HS3ST4: variants seen among roughly 807,000 people sequenced by gnomAD.
HS3ST4 encodes heparan sulfate glucosamine 3-O-sulfotransferase 4.
HS3ST4 carries 17 observed loss-of-function variants against 29.2 expected under a neutral mutation model. That is an observed-to-expected ratio of 0.58 (90% CI 0.40 to 0.87). The LOEUF (loss-of-function observed/expected upper bound fraction) is 0.87, where lower values mean the gene tolerates loss of function less well. HS3ST4 is among the 40% of genes least tolerant of loss of function. The probability of loss-of-function intolerance (pLI) is 0.00; values close to 1 mark genes in which losing one functional copy is unlikely to be tolerated. For missense variants in HS3ST4, 627 were observed against 634.5 expected (o/e 0.99, Z 0.13); for synonymous variants, 314 against 285.7 (o/e 1.10, Z -1.00).
intron 1 of HS3ST4, among the ~76,000 whole-genome samples, chr16:26,048,859 C>T (rs1037488077): frequency 6.6e-6 from 1 of 152,082 alleles, no homozygotes; most frequent in African/African-American, 2.4e-5. Flanking sequence ...CATTGAATCT[C>T]GCAGCAAGAA....
intron 1 of HS3ST4, among the ~76,000 whole-genome samples, chr16:26,080,927 G>A (rs796340874): frequency 1.2e-4 from 19 of 152,278 alleles, no homozygotes; most frequent in African/African-American, 3.6e-4. Flanking sequence ...GTGCGTCCAC[G>A]GACCAGCAGC....
In HS3ST4 at chr16:26,119,087, G is replaced by A. The variant is rs542832058; in HGVS notation, c.735-16525G>A. ...TTCATTTTTGATTTAAAAAACTAAAGCACAGGGAGGTTAAGTAATGTCCCA... is the reference window on the plus strand; with the variant it reads ...TTCATTTTTGATTTAAAAAACTAAAACACAGGGAGGTTAAGTAATGTCCCA... On this transcript the variant is annotated intron_variant, in intron 1 of 1. Coordinates refer to ENST00000331351, the MANE Select transcript of HS3ST4 (RefSeq NM_006040.3). Among the ~76,000 whole-genome samples the A allele has an allele frequency of 1.7e-3, 266 of 152,316 alleles. 1 individual carries two copies. Among genetic ancestry groups the A allele is most frequent in the African/African-American group, 6.1e-3 (255 of 41,568 alleles).
chr16:25,796,439 CT>C (rs1238518648), intron 1 of HS3ST4, among the ~76,000 whole-genome samples: 3 of 152,132 alleles, frequency 2.0e-5, no homozygotes, highest in African/African-American at 7.2e-5. Context: ...GTGACTCAAC[CT>C]TAGAAGAAAC....
rs538086174 is a variant in HS3ST4 at position 26,107,295 on chromosome 16, ATG to A, written c.735-28303_735-28302del. On this transcript the variant is annotated intron_variant, in intron 1 of 1. Coordinates refer to ENST00000331351, the MANE Select transcript of HS3ST4 (RefSeq NM_006040.3). ...TATGTAGTTTTATGTATGTTTATATATGTGTGTGTGTGTGTATATATATATAA... is the reference window on the plus strand; with the variant it reads ...TATGTAGTTTTATGTATGTTTATATATGTGTGTGTGTGTATATATATATAA... Among the ~76,000 whole-genome samples, 970 of 150,660 alleles carry A rather than the reference ATG, an allele frequency of 6.4e-3. 1 individual carries two copies. Among genetic ancestry groups the A allele is most frequent in the African/African-American group, 0.011 (451 of 40,388 alleles).
At chr16:25,899,203 C>T (rs1968098424) in intron 1 of HS3ST4, among the ~76,000 whole-genome samples, 2 of 152,244 alleles carry the variant, frequency 1.3e-5, no homozygotes, top group African/African-American at 4.8e-5. Context: ...GTGTTGTCTT[C>T]TGTATAAAGT....
chr16:25,780,648 A>G (rs1442078925), intron 1 of HS3ST4, among the ~76,000 whole-genome samples: 1 of 152,190 alleles, frequency 6.6e-6, no homozygotes, highest in Non-Finnish European at 1.5e-5. Context: ...ATAAAGTGGG[A>G]GAAATAACAG....
At chr16:25,976,775 A>T (rs1347820499) in intron 1 of HS3ST4, among the ~76,000 whole-genome samples, 2 of 152,188 alleles carry the variant, frequency 1.3e-5, no homozygotes, top group African/African-American at 4.8e-5. Context: ...CAGAGATAAT[A>T]CATATTATTG....
chr16:25,828,304 C>CTT (rs1967254024), intron 1 of HS3ST4, among the ~76,000 whole-genome samples: 2 of 61,854 alleles, frequency 3.2e-5, no homozygotes, highest in Non-Finnish European at 6.1e-5. Context: ...TTCTTTCCCT[C>CTT]TCTCTCTCTC....
At chr16:25,888,659 A>G (rs1967978374) in intron 1 of HS3ST4, among the ~76,000 whole-genome samples, 2 of 152,230 alleles carry the variant, frequency 1.3e-5, no homozygotes, top group South Asian at 4.1e-4. Flanking sequence ...TTTGGGTTAA[A>G]TTCCTCCTTA....
At chr16:25,913,702 G>C (rs1006199437) in intron 1 of HS3ST4, among the ~76,000 whole-genome samples, 3 of 152,134 alleles carry the variant, frequency 2.0e-5, no homozygotes, top group Non-Finnish European at 4.4e-5. Flanking sequence ...AAGGCAGAGA[G>C]CATGTGTGTG....
At chr16:25,899,493 C>T (rs1411382983) in intron 1 of HS3ST4, among the ~76,000 whole-genome samples, 1 of 130,434 alleles carries the variant, frequency 7.7e-6, no homozygotes, top group East Asian at 2.3e-4. Context: ...GCTGATTGAA[C>T]TCCTTTTTAA....
intron 1 of HS3ST4, among the ~76,000 whole-genome samples, chr16:25,991,851 C>G (rs977634144): frequency 1.3e-5 from 2 of 152,140 alleles, no homozygotes; most frequent in Non-Finnish European, 2.9e-5. Flanking sequence ...GAAACCCCGT[C>G]TCTACTAAAA....
intron 1 of HS3ST4, among the ~76,000 whole-genome samples, chr16:25,877,517 G>T (rs1211699207): frequency 6.6e-6 from 1 of 152,118 alleles, no homozygotes; most frequent in Admixed American, 6.5e-5. Context: ...GTTTCATGAT[G>T]CTCCAGAGTG....
At chr16:26,122,351 A>G (rs2141811215) in intron 1 of HS3ST4, among the ~76,000 whole-genome samples, 1 of 152,326 alleles carries the variant, frequency 6.6e-6, no homozygotes, top group South Asian at 2.1e-4. Flanking sequence ...ATCAAATGAT[A>G]TGGAAGGGTT....
chr16:26,020,132 A>C (rs1329351899), intron 1 of HS3ST4, among the ~76,000 whole-genome samples: 1 of 152,244 alleles, frequency 6.6e-6, no homozygotes, highest in African/African-American at 2.4e-5. Flanking sequence ...CAGGGCATGC[A>C]GAGCTTCTGG....
chr16:26,081,947 C>T (rs370033007), intron 1 of HS3ST4, among the ~76,000 whole-genome samples: 1 of 152,116 alleles, frequency 6.6e-6, no homozygotes, highest in African/African-American at 2.4e-5. Flanking sequence ...AGGGATGCAC[C>T]ACCATGCTTG....
intron 1 of HS3ST4, among the ~76,000 whole-genome samples, chr16:25,827,304 T>C (rs1175361022): frequency 6.6e-6 from 1 of 152,092 alleles, no homozygotes; most frequent in Non-Finnish European, 1.5e-5. Flanking sequence ...GTGTCAGAGT[T>C]TGCAATTCCT....
intron 1 of HS3ST4, among the ~76,000 whole-genome samples, chr16:25,912,737 C>T (rs1968253338): frequency 6.6e-6 from 1 of 152,218 alleles, no homozygotes; most frequent in South Asian, 2.1e-4. Context: ...AAGATGTTAA[C>T]ATACCCCTGT....
intron 1 of HS3ST4, among the ~76,000 whole-genome samples, chr16:25,993,758 C>G (rs1969133859): frequency 6.6e-6 from 1 of 152,000 alleles, no homozygotes; most frequent in African/African-American, 2.4e-5. Flanking sequence ...TGGAATCTCT[C>G]TTGTCTTAGT....
Sources: gnomAD v4.1 joint callset for allele counts (sites outside exome capture counted in the v4.1 genomes callset) on GRCh38, gnomAD v4.1.1 for gene constraint, MANE v1.5 for transcripts, NCBI Gene and HGNC (gene_info 2026-07-23, HGNC 2026-07-21) for gene names.